The following OR56A3 variants were observed in gnomAD, a reference collection of about 807,000 sequenced individuals.
The protein encoded by OR56A3 is olfactory receptor 56A3.
A neutral mutation model predicts 17.5 loss-of-function variants in OR56A3; 23 were observed. The observed-to-expected ratio is 1.32, with a 90% confidence interval of 0.95 to 1.87. The LOEUF (loss-of-function observed/expected upper bound fraction) is 1.87, where lower values mean the gene tolerates loss of function less well. OR56A3 is among the 40% of genes most tolerant of loss of function. OR56A3 has a pLI of 0.00. For missense variants in OR56A3, 366 were observed against 380.1 expected (o/e 0.96, Z 0.31); for synonymous variants, 175 against 150.6 (o/e 1.16, Z -1.19).
At chr11:5,994,753 C>T in the OR56A3 span, 1 of 772,248 alleles carries the variant, frequency 1.3e-6, no homozygotes, top group Non-Finnish European at 2.3e-6. Context: ...AGATCTGAGC[C>T]CTCTGGTCCT....
chr11:5,971,573 G>C, the OR56A3 span, among the ~76,000 whole-genome samples: 1 of 152,204 alleles, frequency 6.6e-6, no homozygotes. Context: ...AAGGATAAGA[G>C]AGGAGGGTAT....
intron 1 of OR56A3, chr11:5,943,614 C>G (rs557112476): frequency 6.6e-6 from 1 of 151,798 alleles, no homozygotes; most frequent in Non-Finnish European, 1.5e-5. Context: ...GCAAAAGGCT[C>G]CTAGAACAGA....
the OR56A3 span, among the ~76,000 whole-genome samples, chr11:5,984,261 A>G: frequency 2.0e-5 from 3 of 152,252 alleles, no homozygotes; most frequent in Admixed American, 1.3e-4. Context: ...TACTTCAGGC[A>G]AAAGAATACA....
the OR56A3 span, among the ~76,000 whole-genome samples, chr11:6,005,241 C>T: frequency 6.6e-6 from 1 of 152,038 alleles, no homozygotes; most frequent in African/African-American, 2.4e-5. Context: ...AAAGATGCAA[C>T]AAGCTAAGAG....
chr11:5,955,345 A>G (rs147134082), downstream of OR56A3, among the ~76,000 whole-genome samples: 47 of 152,308 alleles, frequency 3.1e-4, no homozygotes, highest in East Asian at 8.1e-3. Flanking sequence ...CTAAATGTAG[A>G]CACCCAACAA....
At chr11:5,977,658 T>C in the OR56A3 span, among the ~76,000 whole-genome samples, 1 of 152,248 alleles carries the variant, frequency 6.6e-6, no homozygotes, top group African/African-American at 2.4e-5. Context: ...TCCTATTATG[T>C]AGGTTATCTG....
chr11:5,982,577 G>A, the OR56A3 span, among the ~76,000 whole-genome samples: 15 of 152,238 alleles, frequency 9.9e-5, no homozygotes, highest in South Asian at 6.2e-4. Context: ...TTGCCTGGTC[G>A]CACAGGCAAG....
At chr11:6,002,380 C>A in the OR56A3 span, 1 of 1,614,196 alleles carries the variant, frequency 6.2e-7, no homozygotes, top group Non-Finnish European at 8.5e-7. Context: ...GTCCAGCCTG[C>A]CACAAACTGG....
At chr11:5,956,760 C>G in the OR56A3 span, among the ~76,000 whole-genome samples, 1 of 152,192 alleles carries the variant, frequency 6.6e-6, no homozygotes, top group African/African-American at 2.4e-5. Context: ...TCCTCGTGAT[C>G]TCCACTTTCT....
At chr11:5,966,613 T>G in the OR56A3 span, among the ~76,000 whole-genome samples, 1 of 152,008 alleles carries the variant, frequency 6.6e-6, no homozygotes, top group Non-Finnish European at 1.5e-5. Context: ...GGATAAAAAT[T>G]GCAAAGTGTA....
At chr11:5,966,718 A>G in the OR56A3 span, among the ~76,000 whole-genome samples, 1 of 152,180 alleles carries the variant, frequency 6.6e-6, no homozygotes. Flanking sequence ...GAAGATTGAG[A>G]CAAGAGGACT....
chr11:5,967,218 A>G, the OR56A3 span: 1 of 219,384 alleles, frequency 4.6e-6, no homozygotes, highest in African/African-American at 2.3e-5. Context: ...ACAGGAATTG[A>G]GAAACATTTA....
intron 2 of OR56A3, among the ~76,000 whole-genome samples, chr11:5,946,625 T>C (rs1017933662): frequency 2.0e-5 from 3 of 152,212 alleles, no homozygotes; most frequent in African/African-American, 7.2e-5. Context: ...GTGCCCACTC[T>C]CCTTTTAAAG....
downstream of OR56A3, chr11:5,951,363 T>C (rs949213150): frequency 6.6e-6 from 1 of 152,156 alleles, no homozygotes; most frequent in Non-Finnish European, 1.5e-5. Context: ...CACATAGATC[T>C]GAGTATTTGA....
the OR56A3 span, among the ~76,000 whole-genome samples, chr11:6,013,690 G>T: frequency 6.6e-6 from 1 of 152,092 alleles, no homozygotes; most frequent in Non-Finnish European, 1.5e-5. Flanking sequence ...AAAACCTGAG[G>T]CTGATGCCCA....
chr11:6,004,593 A>T, the OR56A3 span, among the ~76,000 whole-genome samples: 44 of 152,204 alleles, frequency 2.9e-4, no homozygotes, highest in African/African-American at 9.7e-4. Flanking sequence ...TACATTATTT[A>T]AAAAAATTTA....
At chr11:5,997,854 T>G in the OR56A3 span, among the ~76,000 whole-genome samples, 1 of 152,104 alleles carries the variant, frequency 6.6e-6, no homozygotes, top group Non-Finnish European at 1.5e-5. Context: ...TACAGACATA[T>G]CATTTCCCTA....
the OR56A3 span, among the ~76,000 whole-genome samples, chr11:5,978,150 C>A: frequency 6.6e-6 from 1 of 152,088 alleles, no homozygotes; most frequent in Admixed American, 6.6e-5. Flanking sequence ...ATGTTTCCAG[C>A]TTTGTTCTTT....
the OR56A3 span, among the ~76,000 whole-genome samples, chr11:6,017,378 A>G: frequency 6.6e-6 from 1 of 152,248 alleles, no homozygotes; most frequent in African/African-American, 2.4e-5. Flanking sequence ...TTAAACTACT[A>G]AAAGTTTAAA....
Sources: gnomAD v4.1 joint callset for allele counts (sites outside exome capture counted in the v4.1 genomes callset) on GRCh38, gnomAD v4.1.1 for gene constraint, MANE v1.5 for transcripts, NCBI Gene and HGNC (gene_info 2026-07-23, HGNC 2026-07-21) for gene names.